The following COBL variants were observed in gnomAD, a reference collection of about 807,000 sequenced individuals.
COBL encodes the protein protein cordon-bleu.
Under a neutral mutation model 98.8 loss-of-function variants are expected in COBL, and 51 were observed. The observed-to-expected ratio is 0.52, with a 90% CI of 0.41 to 0.65. The LOEUF is 0.65. Among genes scored for constraint, COBL ranks in the 30% least tolerant of loss-of-function variants. The probability of loss-of-function intolerance (pLI) is 0.00; values close to 1 mark genes in which losing one functional copy is unlikely to be tolerated. For missense variants in COBL, 1,617 were observed against 1,617.5 expected (o/e 1.00, Z 0.01); for synonymous variants, 634 against 651.7 (o/e 0.97, Z 0.41).
chr7:51,207,554 C>T (rs1028447960), intron 2 of COBL, among the ~76,000 whole-genome samples: 1 of 152,070 alleles, frequency 6.6e-6, no homozygotes, highest in African/African-American at 2.4e-5. Flanking sequence ...CTCAGCCTGC[C>T]GAGTGCCTGC....
In COBL at chr7:51,184,292, C is replaced by G. The variant is rs1285211610; in HGVS notation, c.686-93G>C. The G allele has an allele frequency of 5.8e-6, 4 of 694,796 alleles. No individual in the cohort carries two copies. The Admixed American group carries it at 1.0e-4, about 18-fold the overall frequency. 43.0% of individuals were successfully genotyped at this position (694,796 alleles called of 1,614,324 possible). A position where few individuals can be genotyped will look rare whatever the true frequency, so the allele number is the denominator to read the frequency against. On this transcript the variant is annotated intron_variant, in intron 4 of 12. Transcript: ENST00000265136. ...AATCTTAATAAATGAATCCTCTACT[C>G]TTAAACTTTTAGTTCTTGTAAGAGA...
chr7:51,277,436 CTT>C (rs1799412452), intron 1 of COBL, among the ~76,000 whole-genome samples: 1 of 152,170 alleles, frequency 6.6e-6, no homozygotes, highest in Non-Finnish European at 1.5e-5. Context: ...CGTGGGAATT[CTT>C]TGTTATTCCA....
intron 1 of COBL, among the ~76,000 whole-genome samples, chr7:51,269,808 G>GCTCCC (rs1159091928): frequency 1.3e-5 from 2 of 152,180 alleles, no homozygotes; most frequent in African/African-American, 4.8e-5. Context: ...TTACACCAAT[G>GCTCCC]CTCCCCATCC....
chr7:51,172,607 G>A (rs1424875839), intron 5 of COBL: 6 of 1,082,904 alleles, frequency 5.5e-6, no homozygotes, highest in Admixed American at 2.9e-5. Context: ...CGATCATTAA[G>A]GCAAAAATGC....
chr7:51,054,907 C>T (rs757987214), intron 7 of COBL, among the ~76,000 whole-genome samples: 8 of 152,122 alleles, frequency 5.3e-5, no homozygotes, highest in Non-Finnish European at 7.4e-5. Flanking sequence ...GTTTCCTTTC[C>T]ACAGCCTTCC....
chr7:51,128,006 GAA>G (rs1798387359), intron 6 of COBL, among the ~76,000 whole-genome samples: 1 of 152,216 alleles, frequency 6.6e-6, no homozygotes, highest in Admixed American at 6.5e-5. Context: ...ACATCTGAAA[GAA>G]AGTCTTGGCA....
rs570623767 is a variant in COBL at position 51,099,426 on chromosome 7, A to G, written c.958-14122T>C. 7.2e-5 allele frequency among the ~76,000 whole-genome samples: 11 copies of G among 152,332 alleles called. 1 individual carries two copies. Among genetic ancestry groups the G allele is most frequent in the Admixed American group, 5.9e-4 (9 of 15,302 alleles). ...TACACAGAGTGGAACATTATCAAGG[A>G]AATTCTGACACATGCTGTAACTTAG... On this transcript the variant is annotated intron_variant, in intron 6 of 12. Coordinates refer to ENST00000265136, the MANE Select transcript of COBL (RefSeq NM_015198.5).
At chr7:51,271,244 A>G (rs1465796972) in intron 1 of COBL, among the ~76,000 whole-genome samples, 1 of 152,236 alleles carries the variant, frequency 6.6e-6, no homozygotes, top group East Asian at 1.9e-4. Context: ...CCTGACCCAC[A>G]GGATAAAGCA....
At chr7:51,267,746 G>A (rs939273740) in intron 1 of COBL, among the ~76,000 whole-genome samples, 1 of 151,964 alleles carries the variant, frequency 6.6e-6, no homozygotes, top group South Asian at 2.1e-4. Flanking sequence ...GCTAAGTTTT[G>A]TATTTTTAGT....
chr7:51,193,387 C>G lies in COBL; in HGVS notation c.448G>C (p.Val150Leu). The change falls in exon 3 of 13, where the codon GTG (valine) becomes CTG (leucine). Residue 150 changes from valine to leucine, a missense_variant. This residue lies in a region of COBL where 238 missense variants were observed against 215.0 expected (regional missense o/e 1.11). Transcript: ENST00000265136. Reference sequence around the variant, plus strand: ...TGTAGGTACCTACTAACCTCAGGCACCTTAGGGGGACCAGGCTTAACCTTC... The same window carrying G: ...TGTAGGTACCTACTAACCTCAGGCAGCTTAGGGGGACCAGGCTTAACCTTC... ...EEKVKPGPPKVPEKSVRLVVN... is the reference protein window; with the variant it reads ...EEKVKPGPPKLPEKSVRLVVN... 6.2e-7 allele frequency: 1 copy of G among 1,614,154 alleles called. No individual in the cohort carries two copies.
At chr7:51,296,390 T>TA (rs765297263) in intron 1 of COBL, among the ~76,000 whole-genome samples, 299 of 152,368 alleles carry the variant, frequency 2.0e-3, no homozygotes, top group Non-Finnish European at 3.4e-3. Flanking sequence ...AAGTTTGTCC[T>TA]AACATGGGAG....
At position 51,202,482 on chromosome 7, in the gene COBL, G is replaced by A. The variant is rs188265581; in HGVS notation, c.246-8893C>T. On this transcript the variant is annotated intron_variant, in intron 2 of 12. Coordinates refer to ENST00000265136, the MANE Select transcript of COBL (RefSeq NM_015198.5). ...GATGTGTATGCATAGGAAAAAACATGGTATATATAAACTTTAGTACGATCT... is the reference window on the plus strand; with the variant it reads ...GATGTGTATGCATAGGAAAAAACATAGTATATATAAACTTTAGTACGATCT... 8.9e-3 allele frequency among the ~76,000 whole-genome samples: 1,349 copies of A among 152,040 alleles called. 12 individuals are homozygous for A. Among genetic ancestry groups the A allele is most frequent in the South Asian group, 0.013 (64 of 4,800 alleles).
intron 1 of COBL, among the ~76,000 whole-genome samples, chr7:51,272,531 C>A (rs911324463): frequency 6.6e-6 from 1 of 152,116 alleles, no homozygotes; most frequent in Non-Finnish European, 1.5e-5. Flanking sequence ...AGAAAAAAAT[C>A]ATTTAAATTT....
chr7:51,287,513 C>G (rs1340242335), intron 1 of COBL, among the ~76,000 whole-genome samples: 1 of 152,178 alleles, frequency 6.6e-6, no homozygotes, highest in Non-Finnish European at 1.5e-5. Flanking sequence ...AATTGGAGCT[C>G]TCATGCACTG....
intron 12 of COBL, among the ~76,000 whole-genome samples, chr7:51,023,811 G>A (rs752677907): frequency 1.3e-4 from 20 of 152,126 alleles, no homozygotes; most frequent in Admixed American, 2.0e-4. Context: ...TGCTCTCTAC[G>A]GAGCACACAG....
chr7:51,269,451 G>C (rs919320581), intron 1 of COBL, among the ~76,000 whole-genome samples: 1 of 152,192 alleles, frequency 6.6e-6, no homozygotes, highest in African/African-American at 2.4e-5. Context: ...AGACGCAACT[G>C]CCACGCAATG....
At chr7:51,234,788 AGCAGGCTGGACT>A (rs953760254) in intron 1 of COBL, among the ~76,000 whole-genome samples, 2 of 152,104 alleles carry the variant, frequency 1.3e-5, no homozygotes, top group Non-Finnish European at 2.9e-5. Flanking sequence ...AGGGCTGGAC[AGCAGGCTGGACT>A]AGACCAGGGC....
rs58500324 is a variant in COBL, at chr7:51,155,589, C to CAAAAA, written c.784-19263_784-19259dup. Among the ~76,000 whole-genome samples the CAAAAA allele has an allele frequency of 1.9e-3, 58 of 30,798 alleles. 3 individuals are homozygous for CAAAAA. Among genetic ancestry groups the CAAAAA allele is most frequent in the East Asian group, 7.6e-3 (5 of 662 alleles). 20.2% of individuals were successfully genotyped at this position (30,798 alleles called of 152,430 possible). On this transcript the variant is annotated intron_variant, in intron 5 of 12. Coordinates refer to ENST00000265136, the MANE Select transcript of COBL (RefSeq NM_015198.5). The stretch of plus-strand genomic sequence containing the variant: ...TAGGTGACAGAGCAAGACTCCATCT[C>CAAAAA]AAAAAAAAAAAAAAAAAAAAAAAAA...
intron 1 of COBL, 81 bp from the exon 2 acceptor site, chr7:51,220,025 C>A: frequency 2.2e-6 from 3 of 1,375,714 alleles, no homozygotes; most frequent in East Asian, 2.4e-5. Context: ...TACACATACT[C>A]AGGTCTGTCT....
Sources: gnomAD v4.1 joint callset for allele counts (sites outside exome capture counted in the v4.1 genomes callset) on GRCh38, gnomAD v4.1.1 for gene constraint, gnomAD v4.1.1 regional missense constraint, MANE v1.5 for transcripts, NCBI Gene and HGNC (gene_info 2026-07-23, HGNC 2026-07-21) for gene names.